Variants in STXBP5L observed in about 807,000 individuals in gnomAD.
The protein encoded by STXBP5L is syntaxin-binding protein 5-like.
Under a neutral mutation model 144.5 loss-of-function variants are expected in STXBP5L, and 65 were observed. That is an observed-to-expected ratio of 0.45 (90% CI 0.37 to 0.55). The LOEUF (loss-of-function observed/expected upper bound fraction) is 0.55. Among genes scored for constraint, STXBP5L ranks in the 20% least tolerant of loss-of-function variants. STXBP5L has a pLI of 0.00. For synonymous variants in STXBP5L, 505 were observed against 469.6 expected (o/e 1.08, Z -0.97); for missense variants, 1,298 against 1,405.5 (o/e 0.92, Z 1.22).
intron 9 of STXBP5L, among the ~76,000 whole-genome samples, chr3:121,181,269 T>C (rs532106529): frequency 6.6e-6 from 1 of 151,712 alleles, no homozygotes; most frequent in South Asian, 2.1e-4. Flanking sequence ...TTAGCTGAGA[T>C]CGTGCCATTC....
At chr3:121,110,793 G>T (rs2043947531) in intron 5 of STXBP5L, among the ~76,000 whole-genome samples, 1 of 152,148 alleles carries the variant, frequency 6.6e-6, no homozygotes, top group Non-Finnish European at 1.5e-5. Context: ...GGTTAGGGAA[G>T]TTCTTGTGGA....
intron 3 of STXBP5L, among the ~76,000 whole-genome samples, chr3:120,964,848 T>C (rs1939358780): frequency 6.6e-6 from 1 of 152,194 alleles, no homozygotes; most frequent in South Asian, 2.1e-4. Flanking sequence ...GTCTCATTGA[T>C]CTGTCTAATT....
chr3:121,407,234 T>TTA lies in STXBP5L; in HGVS notation c.2588-8_2588-7insAT. On this transcript the variant is annotated splice_polypyrimidine_tract_variant and intron_variant, in intron 22 of 26. Transcript: ENST00000471454. ...TTGACATGTCAGTGATGTCCAATTGTTTTTATAGGTACATTCCTCTCATTG... is the reference window on the plus strand; with the variant it reads ...TTGACATGTCAGTGATGTCCAATTGTTATTTTATAGGTACATTCCTCTCATTG... 1 of 1,536,286 alleles carries TTA rather than the reference T, an allele frequency of 6.5e-7. No homozygotes were observed. The highest frequency in any genetic ancestry group is 8.7e-7 in the Non-Finnish European group (1 of 1,145,818).
intron 22 of STXBP5L, among the ~76,000 whole-genome samples, chr3:121,404,524 A>G (rs2046953995): frequency 6.6e-6 from 1 of 152,142 alleles, no homozygotes; most frequent in Admixed American, 6.6e-5. Flanking sequence ...CACGCCAAGT[A>G]AAAGTCTAGG....
chr3:121,390,619 A>C (rs990193146), intron 22 of STXBP5L, among the ~76,000 whole-genome samples: 7 of 152,164 alleles, frequency 4.6e-5, no homozygotes, highest in Non-Finnish European at 1.0e-4. Flanking sequence ...CTTATCTGTA[A>C]AGGATTTTAT....
intron 2 of STXBP5L, among the ~76,000 whole-genome samples, chr3:120,919,592 C>A (rs1709265719): frequency 6.6e-6 from 1 of 151,884 alleles, no homozygotes; most frequent in Non-Finnish European, 1.5e-5. Context: ...TCATCTTAAC[C>A]AAAACTCCTT....
intron 19 of STXBP5L, among the ~76,000 whole-genome samples, chr3:121,310,329 G>A (rs1349453566): frequency 1.3e-5 from 2 of 152,182 alleles, no homozygotes; most frequent in Non-Finnish European, 2.9e-5. Flanking sequence ...GCCAGGCATG[G>A]GCTGGGCACA....
intron 3 of STXBP5L, among the ~76,000 whole-genome samples, chr3:120,973,783 A>C (rs1487677754): frequency 6.6e-6 from 1 of 151,336 alleles, no homozygotes; most frequent in Non-Finnish European, 1.5e-5. Context: ...TATGAGTGAG[A>C]ACATGCGGTG....
intron 3 of STXBP5L, among the ~76,000 whole-genome samples, chr3:121,037,550 A>C (rs1946848853): frequency 6.6e-6 from 1 of 152,058 alleles, no homozygotes; most frequent in African/African-American, 2.4e-5. Flanking sequence ...TTGTTGTATT[A>C]AATTTGCCAA....
intron 19 of STXBP5L, among the ~76,000 whole-genome samples, chr3:121,309,111 A>C (rs2043437097): frequency 6.6e-6 from 1 of 152,116 alleles, no homozygotes; most frequent in Admixed American, 6.5e-5. Context: ...AAAACATGAG[A>C]CAGAGAAAAC....
chr3:121,036,772 A>ATTTTTTTTTTTTTTTTTTTTTTTT (rs3863971), intron 3 of STXBP5L, among the ~76,000 whole-genome samples: 1 of 122,222 alleles, frequency 8.2e-6, no homozygotes, highest in Non-Finnish European at 1.7e-5. Context: ...ACATTGATTG[A>ATTTTTTTTTTTTTTTTTTTTTTTT]TTTTTTTTTT....
intron 3 of STXBP5L, among the ~76,000 whole-genome samples, chr3:121,038,336 T>G (rs1466841172): frequency 6.6e-6 from 1 of 152,006 alleles, no homozygotes; most frequent in African/African-American, 2.4e-5. Context: ...ATATTTTTAT[T>G]AGTTTATTAA....
At chr3:121,104,097 G>A (rs2043567814) in intron 5 of STXBP5L, among the ~76,000 whole-genome samples, 1 of 152,058 alleles carries the variant, frequency 6.6e-6, no homozygotes, top group African/African-American at 2.4e-5. Flanking sequence ...TCTTCTATAT[G>A]TCAATCATCA....
chr3:121,140,035 T>C (rs557143151), intron 7 of STXBP5L, among the ~76,000 whole-genome samples: 14 of 152,216 alleles, frequency 9.2e-5, no homozygotes, highest in Non-Finnish European at 1.6e-4. Context: ...GAAACACTCA[T>C]TTCTCACTAT....
intron 9 of STXBP5L, among the ~76,000 whole-genome samples, chr3:121,161,212 AG>A (rs2046312097): frequency 6.7e-6 from 1 of 149,438 alleles, no homozygotes; most frequent in African/African-American, 2.5e-5. Context: ...TTTATCTGGA[AG>A]TTCAGTTTTG....
intron 19 of STXBP5L, among the ~76,000 whole-genome samples, chr3:121,301,497 G>A (rs1035484639): frequency 3.9e-5 from 6 of 152,068 alleles, no homozygotes; most frequent in Admixed American, 1.3e-4. Context: ...GCAAACAGGG[G>A]CAATTTGACT....
At chr3:120,981,288 C>T (rs1941745252) in intron 3 of STXBP5L, among the ~76,000 whole-genome samples, 2 of 152,248 alleles carry the variant, frequency 1.3e-5, no homozygotes, top group African/African-American at 4.8e-5. Context: ...ATTATTCCCT[C>T]AATTTTTTTA....
At chr3:120,997,624 G>A (rs1195095907) in intron 3 of STXBP5L, among the ~76,000 whole-genome samples, 1 of 151,936 alleles carries the variant, frequency 6.6e-6, no homozygotes, top group African/African-American at 2.4e-5. Flanking sequence ...TAGTGGGGTT[G>A]TTTGTTTTTT....
chr3:121,093,925 C>G, intron 5 of STXBP5L, among the ~76,000 whole-genome samples: 1 of 152,110 alleles, frequency 6.6e-6, no homozygotes. Context: ...ATACATTTCC[C>G]TCTACACACT....
Sources: gnomAD v4.1 joint callset for allele counts (sites outside exome capture counted in the v4.1 genomes callset) on GRCh38, gnomAD v4.1.1 for gene constraint, MANE v1.5 for transcripts, NCBI Gene and HGNC (gene_info 2026-07-23, HGNC 2026-07-21) for gene names.